Variants in SCFD2 observed in about 807,000 individuals in gnomAD.
SCFD2 encodes sec1 family domain-containing protein 2.
SCFD2 carries 54 observed loss-of-function variants against 58.9 expected under a neutral mutation model. The observed-to-expected ratio is 0.92, with a 90% CI of 0.74 to 1.15. The LOEUF (loss-of-function observed/expected upper bound fraction) is 1.15. Among genes scored for constraint, SCFD2 ranks in the 50% most tolerant of loss-of-function variants. SCFD2 has a pLI of 0.00. For synonymous variants in SCFD2, 321 were observed against 335.9 expected, an observed-to-expected ratio of 0.96 and a Z score of 0.49; for missense variants, 805 against 836.6, an observed-to-expected ratio of 0.96 and a Z score of 0.47.
At chr4:53,073,211 G>T (rs1723873709) in intron 5 of SCFD2, among the ~76,000 whole-genome samples, 1 of 151,970 alleles carries the variant, frequency 6.6e-6, no homozygotes, top group South Asian at 2.1e-4. Context: ...ATCTAGAGAT[G>T]ATTTAAAGAA....
chr4:52,887,956 TGC>T (rs2109449827), intron 7 of SCFD2, among the ~76,000 whole-genome samples: 1 of 136,534 alleles, frequency 7.3e-6, no homozygotes, highest in African/African-American at 2.9e-5. Flanking sequence ...CAGGCCGGAC[TGC>T]GGACTGCAGT....
chr4:52,886,874 A>T (rs1718752482), intron 7 of SCFD2, among the ~76,000 whole-genome samples: 1 of 152,236 alleles, frequency 6.6e-6, no homozygotes, highest in South Asian at 2.1e-4. Context: ...GCTGAGGGAC[A>T]ACTTCTTTCT....
intron 8 of SCFD2, among the ~76,000 whole-genome samples, chr4:52,883,497 T>C (rs979407436): frequency 1.3e-5 from 2 of 152,220 alleles, no homozygotes; most frequent in African/African-American, 4.8e-5. Context: ...TGAGAAGCTC[T>C]CTCTGCAGAT....
chr4:52,972,132 C>T (rs1440976426), intron 5 of SCFD2, among the ~76,000 whole-genome samples: 2 of 152,154 alleles, frequency 1.3e-5, no homozygotes, highest in Admixed American at 6.5e-5. Context: ...AACCAGCTAA[C>T]ATCATAATGA....
intron 8 of SCFD2, among the ~76,000 whole-genome samples, chr4:52,877,628 G>C (rs1235997978): frequency 6.6e-6 from 1 of 152,200 alleles, no homozygotes; most frequent in African/African-American, 2.4e-5. Flanking sequence ...ACAGGCTCTA[G>C]AGGGGCTTAG....
At chr4:53,194,233 G>A (rs1361492520) in intron 4 of SCFD2, among the ~76,000 whole-genome samples, 6 of 151,698 alleles carry the variant, frequency 4.0e-5, no homozygotes, top group East Asian at 1.9e-4. Context: ...TTTTTGTCTC[G>A]TGTGTAAACA....
intron 5 of SCFD2, among the ~76,000 whole-genome samples, chr4:53,122,554 G>C (rs1164272865): frequency 7.2e-5 from 11 of 152,172 alleles, no homozygotes; most frequent in Non-Finnish European, 1.5e-5. Flanking sequence ...AGAATAAATA[G>C]GTGGGGAGGG....
intron 5 of SCFD2, among the ~76,000 whole-genome samples, chr4:53,081,200 T>C (rs1724137099): frequency 6.6e-6 from 1 of 152,216 alleles, no homozygotes; most frequent in Non-Finnish European, 1.5e-5. Flanking sequence ...CTATCCTTTA[T>C]ATCCTGGGAA....
intron 5 of SCFD2, among the ~76,000 whole-genome samples, chr4:53,086,724 T>C (rs1274798519): frequency 4.6e-5 from 7 of 152,184 alleles, no homozygotes; most frequent in Non-Finnish European, 1.0e-4. Flanking sequence ...GATTCTGTCA[T>C]TTGCAACAAC....
intron 5 of SCFD2, among the ~76,000 whole-genome samples, chr4:52,998,340 AAAC>A (rs973706268): frequency 1.3e-5 from 2 of 152,250 alleles, no homozygotes; most frequent in African/African-American, 4.8e-5. Flanking sequence ...TGTAAGTACC[AAAC>A]AACAAGAAAT....
chr4:53,147,516 T>A (rs1726368915), intron 4 of SCFD2, among the ~76,000 whole-genome samples: 1 of 152,224 alleles, frequency 6.6e-6, no homozygotes. Context: ...GTCCTTGGAA[T>A]GGACGAGGTA....
intron 4 of SCFD2, among the ~76,000 whole-genome samples, chr4:53,181,573 G>A (rs866708470): frequency 1.3e-5 from 2 of 152,286 alleles, no homozygotes; most frequent in Admixed American, 6.5e-5. Flanking sequence ...AAAACTGGAA[G>A]CATTCCCTTT....
At chr4:53,341,739 T>A (rs1193213872) in intron 2 of SCFD2, among the ~76,000 whole-genome samples, 2 of 152,120 alleles carry the variant, frequency 1.3e-5, no homozygotes, top group Non-Finnish European at 2.9e-5. Flanking sequence ...GGGAAGCCCA[T>A]CAGACTAACA....
chr4:53,002,271 A>T (rs1212506116), intron 5 of SCFD2, among the ~76,000 whole-genome samples: 6 of 152,170 alleles, frequency 3.9e-5, no homozygotes, highest in Admixed American at 3.9e-4. Flanking sequence ...TTTAGTGGTA[A>T]GTAGCTGGAT....
chr4:53,129,423 T>C (rs1475125596), intron 5 of SCFD2, among the ~76,000 whole-genome samples: 8 of 152,360 alleles, frequency 5.3e-5, no homozygotes, highest in Non-Finnish European at 1.0e-4. Context: ...ATTGTTTACA[T>C]TTAAAACTAA....
chr4:53,298,113 CA>C lies in SCFD2; in HGVS notation c.1135+15522del, dbSNP rs1732112615. Reference sequence around the variant, plus strand: ...GACAGTGGGTGCAGGACAGTGGGAGCAGCACACCATGCGTGAGCCGAAGCAG... The same window carrying C: ...GACAGTGGGTGCAGGACAGTGGGAGCGCACACCATGCGTGAGCCGAAGCAG... On this transcript the variant is annotated intron_variant, in intron 3 of 8. Transcript: ENST00000401642. 2.0e-5 allele frequency among the ~76,000 whole-genome samples: 3 copies of C among 152,120 alleles called. No individual in the cohort carries two copies. In the South Asian group the frequency reaches 6.2e-4, roughly 32 times the overall value.
chr4:53,240,820 T>C (rs1370732572), intron 4 of SCFD2, among the ~76,000 whole-genome samples: 1 of 152,320 alleles, frequency 6.6e-6, no homozygotes, highest in East Asian at 1.9e-4. Flanking sequence ...TCCAGTGCCT[T>C]GAGTTCGATT....
intron 1 of SCFD2, 128 bp from the exon 2 acceptor site, chr4:53,352,894 A>C (rs1245109456): frequency 2.5e-6 from 2 of 796,924 alleles, no homozygotes; most frequent in Admixed American, 4.8e-5. Flanking sequence ...CAAAACTCAC[A>C]TTTTGCCCTT....
At position 52,920,858 on chromosome 4, in the gene SCFD2, G is replaced by A. The variant is rs571269794; in HGVS notation, c.1574C>T (p.Ser525Leu). 5.6e-6 allele frequency: 9 copies of A among 1,609,528 alleles called. No individual in the cohort carries two copies. In the African/African-American group the frequency reaches 1.2e-4, roughly 22 times the overall value. The stretch of plus-strand genomic sequence containing the variant: ...GGATTTGTGAAATGTCAGATTAATT[G>A]AAGAGTCCCAGTCTGAAAAAATCCA... ...LLQKITDWDS[S>L]INLTFHKSKI... The change falls in exon 6 of 9, where the codon TCA becomes TTA. Residue 525 changes from serine (S) to leucine (L), a missense_variant. By Grantham distance (145) the Ser-to-Leu change is moderately radical. Coordinates refer to ENST00000401642, the MANE Select transcript of SCFD2 (RefSeq NM_152540.4).
Sources: allele counts gnomAD v4.1 joint callset (sites outside exome capture counted in the v4.1 genomes callset), GRCh38; gene constraint gnomAD v4.1.1; transcripts MANE v1.5; gene names NCBI Gene and HGNC (gene_info 2026-07-23, HGNC 2026-07-21).